Variants in EPS15L1 observed in about 807,000 individuals in gnomAD.
EPS15L1 encodes epidermal growth factor receptor substrate 15-like 1.
Under a neutral mutation model 117.1 loss-of-function variants are expected in EPS15L1, and 43 were observed. The ratio of observed to expected loss-of-function variants is 0.37; its 90% CI spans 0.29 to 0.47. The LOEUF (loss-of-function observed/expected upper bound fraction) is 0.47. Among genes scored for constraint, EPS15L1 ranks in the 20% least tolerant of loss-of-function variants. The pLI, the probability that EPS15L1 is intolerant of heterozygous loss-of-function variation, is 0.99. For synonymous variants in EPS15L1, 459 were observed against 470.5 expected (o/e 0.98, Z 0.32); for missense variants, 981 against 1,164.0 (o/e 0.84, Z 2.29).
chr19:16,423,227 T>C (rs76338861), intron 9 of EPS15L1, among the ~76,000 whole-genome samples: 13,472 of 152,210 alleles, frequency 0.089, 722 homozygotes, highest in Non-Finnish European at 0.12. Context: ...GTAGCAAGTA[T>C]GTGTGATGAA....
chr19:16,357,833 GTGTCAC>G (rs891714722), intron 23 of EPS15L1: 7 of 152,200 alleles, frequency 4.6e-5, no homozygotes, highest in African/African-American at 1.4e-4. Context: ...CCCCGCCATT[GTGTCAC>G]TGCCAGGGGC....
At chr19:16,402,160 G>A in intron 16 of EPS15L1, 161 bp downstream of exon 16, 1 of 1,416,688 alleles carries the variant, frequency 7.1e-7, no homozygotes, top group Non-Finnish European at 9.2e-7. Context: ...CAGGCTGCAA[G>A]GCCTGGTGTG....
chr19:16,410,309 A>G (rs2144875172), intron 13 of EPS15L1, among the ~76,000 whole-genome samples: 1 of 152,314 alleles, frequency 6.6e-6, no homozygotes, highest in South Asian at 2.1e-4. Flanking sequence ...GAAATCCACA[A>G]TGAGGCAGTG....
intron 12 of EPS15L1, among the ~76,000 whole-genome samples, chr19:16,415,266 T>C (rs947665898): frequency 6.6e-6 from 1 of 152,112 alleles, no homozygotes; most frequent in African/African-American, 2.4e-5. Flanking sequence ...TATCTGGAGG[T>C]TGGACTTTGC....
chr19:16,464,817 C>T (rs892318040), intron 1 of EPS15L1, among the ~76,000 whole-genome samples: 4 of 152,168 alleles, frequency 2.6e-5, no homozygotes, highest in Non-Finnish European at 4.4e-5. Flanking sequence ...GGCATGGTGG[C>T]TCACGCCTGT....
intron 21 of EPS15L1, chr19:16,384,349 CCT>C (rs1599556106): frequency 1.3e-5 from 2 of 152,430 alleles, no homozygotes; most frequent in East Asian, 3.9e-4. Context: ...GTGCCGCAGC[CCT>C]GTCCTTCCCA....
chr19:16,366,413 T>C (rs1446073468), intron 22 of EPS15L1, among the ~76,000 whole-genome samples: 3 of 152,070 alleles, frequency 2.0e-5, no homozygotes, highest in Non-Finnish European at 4.4e-5. Context: ...AAAAAAGAAA[T>C]TGGTTTTTGG....
intron 1 of EPS15L1, among the ~76,000 whole-genome samples, chr19:16,445,816 G>T (rs899001016): frequency 1.3e-5 from 2 of 152,200 alleles, no homozygotes; most frequent in African/African-American, 4.8e-5. Flanking sequence ...GGCCTGCACC[G>T]TAAGAGGCTG....
chr19:16,455,451 A>C (rs1045485861), intron 1 of EPS15L1, among the ~76,000 whole-genome samples: 3 of 152,222 alleles, frequency 2.0e-5, no homozygotes, highest in Non-Finnish European at 2.9e-5. Flanking sequence ...GCTGGAGAAA[A>C]AACATTGCCT....
At chr19:16,434,639 C>G in intron 6 of EPS15L1, 149 bp from the exon 7 acceptor site, 1 of 828,482 alleles carries the variant, frequency 1.2e-6, no homozygotes, top group South Asian at 1.7e-5. Context: ...ACAGTCTTGG[C>G]CCCTTGGTTT....
At chr19:16,426,314 A>G (rs543376826) in intron 8 of EPS15L1, among the ~76,000 whole-genome samples, 2 of 152,346 alleles carry the variant, frequency 1.3e-5, no homozygotes, top group East Asian at 3.9e-4. Flanking sequence ...GGAACACTCC[A>G]TAACTGCTGG....
intron 1 of EPS15L1, among the ~76,000 whole-genome samples, chr19:16,453,397 A>G (rs576815553): frequency 5.3e-5 from 8 of 152,156 alleles, no homozygotes; most frequent in Non-Finnish European, 7.4e-5. Flanking sequence ...GAGCATGCCC[A>G]GCCATCAACT....
chr19:16,442,906 C>T (rs1343418155), intron 1 of EPS15L1, among the ~76,000 whole-genome samples: 1 of 152,182 alleles, frequency 6.6e-6, no homozygotes, highest in Non-Finnish European at 1.5e-5. Context: ...TAATCGGGGC[C>T]ACCAGAGGCC....
At chr19:16,459,922 ATATGG>A (rs1568469406) in intron 1 of EPS15L1, among the ~76,000 whole-genome samples, 1 of 152,220 alleles carries the variant, frequency 6.6e-6, no homozygotes, top group Non-Finnish European at 1.5e-5. Context: ...ACTATGGTAC[ATATGG>A]TAGCCATTTG....
chr19:16,392,500 A>ATTGCACCACTGCACTCTACCC, intron 18 of EPS15L1, 60 bp from the exon 19 acceptor site: 1 of 1,474,002 alleles, frequency 6.8e-7, no homozygotes, highest in Non-Finnish European at 9.4e-7. Flanking sequence ...CCAGACATAA[A>ATTGCACCACTGCACTCTACCC]AGAACACATC....
rs563905288 is a variant in EPS15L1 at position 16,417,374 on chromosome 19, G to A, written c.1193+178C>T. The stretch of plus-strand genomic sequence containing the variant: ...CTGGCTGAGGCTGATTCAAATGGAA[G>A]ATGTCATTCTTCAAGCCCCTTGAGC... On this transcript the variant is annotated intron_variant, in intron 12 of 23. Coordinates refer to ENST00000455140, the MANE Select transcript of EPS15L1 (RefSeq NM_001258374.3). 319 of 607,020 alleles carry A rather than the reference G, an allele frequency of 5.3e-4. 3 individuals carry two copies. The South Asian group carries it at 5.6e-3, about 11-fold the overall frequency. 37.6% of individuals were successfully genotyped at this position (607,020 alleles called of 1,614,324 possible).
At chr19:16,469,340 G>C (rs541423585) in intron 1 of EPS15L1, among the ~76,000 whole-genome samples, 35 of 152,106 alleles carry the variant, frequency 2.3e-4, no homozygotes, top group Admixed American at 2.6e-4. Context: ...CCAGTGTTGC[G>C]GAGTTCGAGG....
rs756348557 is a variant in EPS15L1, at chr19:16,425,124, T to G, written c.751A>C (p.Thr251Pro). Residue 251 changes from threonine to proline, a missense_variant, in exon 9 of 24, where the codon ACA becomes CCA. Thr to Pro is a conservative substitution (Grantham distance 38). Coordinates refer to ENST00000455140, the MANE Select transcript of EPS15L1 (RefSeq NM_001258374.3). ...CTGTGCTTGGGGGACAGGCTCCCTG[T>G]GCTGTTGAGGCTGCTGACGCTGCCG... ...SHGSVSSLNSTGSLSPKHSLK... is the reference protein window; with the variant it reads ...SHGSVSSLNSPGSLSPKHSLK... 15 of 1,614,084 alleles carry G rather than the reference T, an allele frequency of 9.3e-6. No homozygotes were observed. The highest frequency in any genetic ancestry group is 1.3e-5 in the Non-Finnish European group (15 of 1,180,038).
chr19:16,459,413 G>A (rs2093227364), intron 1 of EPS15L1, among the ~76,000 whole-genome samples: 1 of 152,314 alleles, frequency 6.6e-6, no homozygotes, highest in South Asian at 2.1e-4. Context: ...GAGGGATCAC[G>A]CTGTGCCCTC....
Sources: gnomAD v4.1 joint callset for allele counts (sites outside exome capture counted in the v4.1 genomes callset) on GRCh38, gnomAD v4.1.1 for gene constraint, MANE v1.5 for transcripts, NCBI Gene and HGNC (gene_info 2026-07-23, HGNC 2026-07-21) for gene names.